Variants in ACOT13 observed in about 807,000 individuals in gnomAD.
ACOT13 encodes the protein acyl-CoA thioesterase 13.
Under a neutral mutation model 11.8 loss-of-function variants are expected in ACOT13, and 10 were observed. The ratio of observed to expected loss-of-function variants is 0.85; its 90% CI spans 0.53 to 1.44. The LOEUF (loss-of-function observed/expected upper bound fraction) is 1.44, where lower values mean the gene tolerates loss of function less well. Ranked by LOEUF, ACOT13 falls within the 40% of genes most tolerant of loss-of-function variation. The pLI, the probability that ACOT13 is intolerant of heterozygous loss-of-function variation, is 0.00. For synonymous variants in ACOT13, 53 were observed against 61.0 expected, an observed-to-expected ratio of 0.87 and a Z score of 0.61; for missense variants, 172 against 174.1, an observed-to-expected ratio of 0.99 and a Z score of 0.07.
intron 1 of ACOT13, among the ~76,000 whole-genome samples, chr6:24,674,231 A>G (rs1778408705): frequency 6.6e-6 from 1 of 151,996 alleles, no homozygotes; most frequent in African/African-American, 2.4e-5. Flanking sequence ...AACTAATTTT[A>G]TATTTATAGT....
chr6:24,698,114 C>T, intron 2 of ACOT13, 47 bp downstream of exon 2: 1 of 1,460,374 alleles, frequency 6.8e-7, no homozygotes, highest in Non-Finnish European at 9.1e-7. Flanking sequence ...TGATAACTGT[C>T]TAAACAACTG....
Position 24,679,580 on chromosome 6 carries a change from C to T in ACOT13, c.81+12236C>T, listed in dbSNP as rs541281621. Among the ~76,000 whole-genome samples the T allele has an allele frequency of 5.9e-5, 9 of 152,300 alleles. No homozygotes were observed. The South Asian group carries it at 8.3e-4, about 14-fold the overall frequency. ...TAGCACACAAGTTAGCAAATGTCTG[C>T]GGCACCAATTTCCATGTTCTGATTC... On this transcript the variant is annotated intron_variant, in intron 1 of 2. Coordinates refer to ENST00000230048, the MANE Select transcript of ACOT13 (RefSeq NM_018473.4).
rs1207237996 is a variant in ACOT13, at chr6:24,703,752, A to G, written c.*2137A>G. 1 of 152,248 alleles carries G rather than the reference A, an allele frequency of 6.6e-6. No homozygotes were observed. Among genetic ancestry groups the G allele is most frequent in the African/African-American group, 2.4e-5 (1 of 41,458 alleles). The allele number at this position is 152,248 out of a possible 1,614,324, so 9.4% of individuals were successfully genotyped here. A position where few individuals can be genotyped will look rare whatever the true frequency, so the allele number is the denominator to read the frequency against. ...AGGGTATTTGCACATTGCTTCCCAG[A>G]GATTGCTAGTAGTAAGTACCACACA... On this transcript the variant is annotated 3_prime_UTR_variant, in exon 3 of 3. Coordinates refer to ENST00000230048, the MANE Select transcript of ACOT13 (RefSeq NM_018473.4).
chr6:24,682,969 T>C (rs1362075996), intron 1 of ACOT13, among the ~76,000 whole-genome samples: 1 of 152,234 alleles, frequency 6.6e-6, no homozygotes, highest in African/African-American at 2.4e-5. Flanking sequence ...ATTAGCATTT[T>C]AGTGAGCTCT....
intron 2 of ACOT13, among the ~76,000 whole-genome samples, chr6:24,699,501 C>T (rs532488315): frequency 4.6e-5 from 7 of 152,300 alleles, no homozygotes; most frequent in South Asian, 2.1e-4. Context: ...TGAGCCACCG[C>T]GCCCAGCCAA....
intron 1 of ACOT13, among the ~76,000 whole-genome samples, chr6:24,693,375 CAGAGGCAGT>C (rs1273185692): frequency 6.6e-6 from 1 of 152,164 alleles, no homozygotes; most frequent in Admixed American, 6.5e-5. Flanking sequence ...ATCTGTTTAG[CAGAGGCAGT>C]GGAGGCAGTG....
At chr6:24,683,349 C>G (rs1409433174) in intron 1 of ACOT13, among the ~76,000 whole-genome samples, 9 of 152,108 alleles carry the variant, frequency 5.9e-5, no homozygotes, top group African/African-American at 2.2e-4. Flanking sequence ...ACCAGCCTGG[C>G]CAACATGGTG....
intron 1 of ACOT13, among the ~76,000 whole-genome samples, chr6:24,690,377 C>G (rs901162401): frequency 1.3e-5 from 2 of 152,166 alleles, no homozygotes; most frequent in Non-Finnish European, 2.9e-5. Context: ...GCCCCCTTTT[C>G]CCAGGTTCAA....
At chr6:24,669,414 T>G (rs898959504) in intron 1 of ACOT13, among the ~76,000 whole-genome samples, 2 of 152,212 alleles carry the variant, frequency 1.3e-5, no homozygotes, top group African/African-American at 4.8e-5. Context: ...AGATACACAT[T>G]TATCTCAATG....
chr6:24,698,192 C>A, intron 2 of ACOT13, 125 bp downstream of exon 2: 1 of 865,432 alleles, frequency 1.2e-6, no homozygotes, highest in Non-Finnish European at 1.6e-6. Context: ...CTTAACTGCA[C>A]CTATAGATTT....
In ACOT13 at chr6:24,667,279, C is replaced by G; in HGVS notation, c.16C>G (p.Gln6Glu). The change falls in exon 1 of 3, where the codon CAG becomes GAG. Residue 6 changes from glutamine (Q) to glutamate (E), a missense_variant. Transcript: ENST00000230048. ...ACCGTCCACGATGACCAGCATGACT[C>G]AGTCTCTGCGGGAGGTGATAAAGGC... MTSMT[Q>E]SLREVIKAMT... 1 of 1,614,204 alleles carries G rather than the reference C, an allele frequency of 6.2e-7. No individual in the cohort carries two copies. Among genetic ancestry groups the G allele is most frequent in the Non-Finnish European group, 8.5e-7 (1 of 1,180,034 alleles).
intron 2 of ACOT13, among the ~76,000 whole-genome samples, chr6:24,700,426 T>C (rs1001872718): frequency 1.4e-4 from 8 of 56,198 alleles, no homozygotes; most frequent in Middle Eastern, 8.8e-3. Flanking sequence ...AAGATCCACC[T>C]TTTTTTTTTT....
intron 1 of ACOT13, among the ~76,000 whole-genome samples, chr6:24,670,959 A>G (rs1182297202): frequency 1.3e-5 from 2 of 152,128 alleles, no homozygotes; most frequent in Admixed American, 1.3e-4. Context: ...TCAAGAGGAA[A>G]CAACAGGTGC....
At position 24,675,374 on chromosome 6, in the gene ACOT13, C is replaced by T. The variant is rs571384201; in HGVS notation, c.81+8030C>T. 1.1e-4 allele frequency among the ~76,000 whole-genome samples: 17 copies of T among 152,316 alleles called. No homozygotes were observed. The East Asian group carries it at 3.3e-3, about 29-fold the overall frequency. Reference sequence around the variant, plus strand: ...GTGTAAAAGTGTTCCTATTTCTCCACATCCTGTCCAGCACCTGTTGTTTCC... The same window carrying T: ...GTGTAAAAGTGTTCCTATTTCTCCATATCCTGTCCAGCACCTGTTGTTTCC... On this transcript the variant is annotated intron_variant, in intron 1 of 2. Transcript: ENST00000230048.
rs543819994 is a variant in ACOT13 at position 24,692,372 on chromosome 6, C to T, written c.82-5511C>T. On this transcript the variant is annotated intron_variant, in intron 1 of 2. Transcript: ENST00000230048. ...GAAAATTCATGCCAAACTATACAAA[C>T]CAAAGTTTCTGTTTGATAATAGTTT... Among the ~76,000 whole-genome samples the T allele has an allele frequency of 2.6e-5, 4 of 152,238 alleles. No individual in the cohort carries two copies. In the South Asian group the frequency reaches 8.3e-4, roughly 32 times the overall value.
At chr6:24,700,979 A>G (rs913938625) in intron 2 of ACOT13, 1 of 152,180 alleles carries the variant, frequency 6.6e-6, no homozygotes, top group Admixed American at 6.5e-5. Flanking sequence ...AGTGACTAGG[A>G]TGTACATCTC....
At chr6:24,685,214 AAG>A (rs1425961714) in intron 1 of ACOT13, among the ~76,000 whole-genome samples, 2 of 152,076 alleles carry the variant, frequency 1.3e-5, no homozygotes, top group Non-Finnish European at 2.9e-5. Flanking sequence ...TTTGATCTAA[AAG>A]AGGTTTTGTG....
intron 1 of ACOT13, among the ~76,000 whole-genome samples, chr6:24,696,882 T>C (rs548928335): frequency 6.6e-5 from 10 of 152,262 alleles, no homozygotes; most frequent in African/African-American, 2.2e-4. Context: ...TTCAAGCGAT[T>C]CTCCTGCCTC....
intron 1 of ACOT13, among the ~76,000 whole-genome samples, chr6:24,694,564 C>CA (rs1330344491): frequency 1.3e-5 from 2 of 152,186 alleles, no homozygotes; most frequent in African/African-American, 4.8e-5. Flanking sequence ...GTGTGCCCTA[C>CA]AGCCCATCTT....
Sources: allele counts gnomAD v4.1 joint callset (sites outside exome capture counted in the v4.1 genomes callset), GRCh38; gene constraint gnomAD v4.1.1; transcripts MANE v1.5; gene names NCBI Gene and HGNC (gene_info 2026-07-23, HGNC 2026-07-21).